Variants in RPS6KA1 observed in about 807,000 individuals in gnomAD.
The protein encoded by RPS6KA1 is ribosomal protein S6 kinase A1, also known as ribosomal protein S6 kinase alpha-1.
A neutral mutation model predicts 91.3 loss-of-function variants in RPS6KA1; 48 were observed. The ratio of observed to expected loss-of-function variants is 0.53; its 90% CI spans 0.42 to 0.67. The LOEUF is 0.67. Among genes scored for constraint, RPS6KA1 ranks in the 30% least tolerant of loss-of-function variants. The pLI, the probability that RPS6KA1 is intolerant of heterozygous loss-of-function variation, is 0.00. For missense variants in RPS6KA1, 719 were observed against 960.5 expected, an observed-to-expected ratio of 0.75 and a Z score of 3.32; for synonymous variants, 359 against 384.7, an observed-to-expected ratio of 0.93 and a Z score of 0.78.
Position 26,561,326 on chromosome 1 carries a change from T to C in RPS6KA1, c.1432-179T>C, listed in dbSNP as rs567809806. On this transcript the variant is annotated intron_variant, in intron 16 of 21. Transcript: ENST00000374168. The surrounding 1 kb of genome is among the most constrained non-coding windows in gnomAD (Gnocchi z 5.7). ...CAGACTCAGACATTTTCTGAGGACC[T>C]TCTTGCGTATCAGGAGACCAGTGTC... 1.4e-4 allele frequency among the ~76,000 whole-genome samples: 22 copies of C among 152,292 alleles called. No individual in the cohort carries two copies. Among genetic ancestry groups the C allele is most frequent in the Non-Finnish European group, 2.9e-4 (20 of 68,032 alleles).
At chr1:26,543,240 T>C in intron 2 of RPS6KA1, 1 of 1,508,356 alleles carries the variant, frequency 6.6e-7, no homozygotes, top group Non-Finnish European at 8.9e-7. Context: ...AAGAGTCGCC[T>C]GCCTCCAGCG....
intron 1 of RPS6KA1, among the ~76,000 whole-genome samples, chr1:26,533,901 C>A (rs1227901398): frequency 6.6e-6 from 1 of 152,046 alleles, no homozygotes; most frequent in African/African-American, 2.4e-5. Flanking sequence ...GAAGCCAGCA[C>A]CCCACAACCC....
chr1:26,545,162 CTTTCTT>C (rs1310137214), intron 2 of RPS6KA1, among the ~76,000 whole-genome samples: 1 of 151,108 alleles, frequency 6.6e-6, no homozygotes, highest in South Asian at 2.1e-4. Flanking sequence ...GGATGCCATT[CTTTCTT>C]TTTCTTTTTC....
intron 1 of RPS6KA1, 33 bp downstream of exon 1, chr1:26,530,016 G>A: frequency 3.1e-6 from 4 of 1,305,404 alleles, no homozygotes; most frequent in Non-Finnish European, 3.9e-6. Flanking sequence ...GGGCGCCCGC[G>A]GCCGGCGAGC....
chr1:26,566,769 G>C (rs998253694), intron 17 of RPS6KA1, among the ~76,000 whole-genome samples: 3 of 152,128 alleles, frequency 2.0e-5, no homozygotes, highest in Admixed American at 1.3e-4. Flanking sequence ...AATATGTGGA[G>C]TCTTCTTAAG....
Position 26,534,045 on chromosome 1 carries a change from G to A in RPS6KA1, c.64-2880G>A, listed in dbSNP as rs902248115. Among the ~76,000 whole-genome samples, 36 of 152,166 alleles carry A rather than the reference G, an allele frequency of 2.4e-4. 1 individual carries two copies. Among genetic ancestry groups the A allele is most frequent in the Admixed American group, 2.2e-3 (33 of 15,280 alleles). ...CAGCCAGACTGCCTTAGAGCGGGGGGTCCCTAAGTCATCCAGGCCACTGCT... is the reference window on the plus strand; with the variant it reads ...CAGCCAGACTGCCTTAGAGCGGGGGATCCCTAAGTCATCCAGGCCACTGCT... On this transcript the variant is annotated intron_variant, in intron 1 of 21. Coordinates refer to ENST00000374168, the MANE Select transcript of RPS6KA1 (RefSeq NM_002953.4).
chr1:26,558,825 C>CA lies in RPS6KA1; in HGVS notation c.1103_1104insA (p.Ser369GlnfsTer47). 6.2e-7 allele frequency: 1 copy of CA among 1,611,638 alleles called. No individual in the cohort carries two copies. The highest frequency in any genetic ancestry group is 8.5e-7 in the Non-Finnish European group (1 of 1,177,978). ...CGTACAGATTCCCCAGGCATCCCCC[C>CA]CAGCGCTGGGGCCCATCAGCTGTTC... is the stretch of plus-strand genomic sequence containing the variant. On this transcript the variant is annotated frameshift_variant, in exon 14 of 22. Transcript: ENST00000374168. LOFTEE classifies it high-confidence loss of function. The surrounding 1 kb of genome is among the most constrained non-coding windows in gnomAD (Gnocchi z 4.0).
chr1:26,549,690 C>CTTTTTTTTTTTTTT (rs561375723), intron 4 of RPS6KA1, among the ~76,000 whole-genome samples: 3 of 101,916 alleles, frequency 2.9e-5, no homozygotes, highest in African/African-American at 7.4e-5. Flanking sequence ...AAAGCCTGTT[C>CTTTTTTTTTTTTTT]TTTTTTTTTT....
At chr1:26,533,148 C>T (rs749206659) in intron 1 of RPS6KA1, among the ~76,000 whole-genome samples, 7 of 152,110 alleles carry the variant, frequency 4.6e-5, no homozygotes, top group African/African-American at 7.2e-5. Flanking sequence ...GGCGTGATCT[C>T]GGCTCACTGC....
chr1:26,538,417 G>A (rs1437754751), intron 2 of RPS6KA1, among the ~76,000 whole-genome samples: 1 of 152,206 alleles, frequency 6.6e-6, no homozygotes. Context: ...AGCTTACTGG[G>A]AGATGGCAGG....
At position 26,556,814 on chromosome 1, in the gene RPS6KA1, C is replaced by G. The variant is rs963560179; in HGVS notation, c.981+96C>G. 9 of 1,457,546 alleles carry G rather than the reference C, an allele frequency of 6.2e-6. No homozygotes were observed. The African/African-American group carries it at 1.3e-4, about 20-fold the overall frequency. The allele number at this position is 1,457,546 out of a possible 1,614,324, so 90.3% of individuals were successfully genotyped here. On this transcript the variant is annotated intron_variant, in intron 12 of 21. Coordinates refer to ENST00000374168, the MANE Select transcript of RPS6KA1 (RefSeq NM_002953.4). ...AGGGGAGCCTCTGCCAGCGAGGGCC[C>G]CAGACGCAGGAGCAGAGGGTCACAG... is the stretch of plus-strand genomic sequence containing the variant.
At chr1:26,549,678 C>T (rs1310485883) in intron 4 of RPS6KA1, among the ~76,000 whole-genome samples, 1 of 148,422 alleles carries the variant, frequency 6.7e-6, no homozygotes, top group Non-Finnish European at 1.5e-5. Context: ...CAGCCATGTC[C>T]AAAAGCCTGT....
Position 26,556,699 on chromosome 1 carries a change from A to C in RPS6KA1, c.962A>C (p.Tyr321Ser). The C allele has an allele frequency of 6.2e-7, 1 of 1,613,976 alleles. No homozygotes were observed. The highest frequency in any genetic ancestry group is 8.5e-7 in the Non-Finnish European group (1 of 1,179,982). ...GAGGAAATCAAGCGGCATGTCTTCT[A>C]CTCCACCATTGACTGGAATGTGAGT... ...GAEEIKRHVF[Y>S]STIDWNKLYR... Residue 321 changes from tyrosine to serine, a missense_variant, in exon 12 of 22, where the codon TAC becomes TCC. By Grantham distance (144) the Tyr-to-Ser change is moderately radical (BLOSUM62 -2). Coordinates refer to ENST00000374168, the MANE Select transcript of RPS6KA1 (RefSeq NM_002953.4).
Position 26,554,784 on chromosome 1 carries a change from C to T in RPS6KA1, c.756+46C>T. 1.3e-6 allele frequency: 2 copies of T among 1,560,188 alleles called. No individual in the cohort carries two copies. The highest frequency in any genetic ancestry group is 1.7e-6 in the Non-Finnish European group (2 of 1,147,360). ...AAAGGATCCAGCCCAAGCCTCTGGC[C>T]TCAGTCTCCCTATCTGTACAGTGAG... On this transcript the variant is annotated intron_variant, in intron 9 of 21. Coordinates refer to ENST00000374168, the MANE Select transcript of RPS6KA1 (RefSeq NM_002953.4). This position sits in a 1 kb window ranked among gnomAD's most constrained non-coding sequence, Gnocchi z 4.6.
chr1:26,574,054 C>G lies in RPS6KA1; in HGVS notation c.2086-25C>G. 1 of 1,610,240 alleles carries G rather than the reference C, an allele frequency of 6.2e-7. No individual in the cohort carries two copies. ...CCCGCTACATCTCCCACCATTGTGA[C>G]CTGACCTCCCCACTTCTCTTTCAGG... On this transcript the variant is annotated intron_variant, in intron 21 of 21. Coordinates refer to ENST00000374168, the MANE Select transcript of RPS6KA1 (RefSeq NM_002953.4). This position sits in a 1 kb window ranked among gnomAD's most constrained non-coding sequence, Gnocchi z 4.3.
At position 26,530,629 on chromosome 1, in the gene RPS6KA1, GA is replaced by G. The variant is rs960993087; in HGVS notation, c.63+647del. The G allele has an allele frequency of 6.9e-6, 4 of 575,776 alleles. No homozygotes were observed. In the African/African-American group the frequency reaches 7.9e-5, roughly 11 times the overall value. The allele number at this position is 575,776 out of a possible 1,614,324, so 35.7% of individuals were successfully genotyped here. A position where few individuals can be genotyped will look rare whatever the true frequency, so the allele number is the denominator to read the frequency against. On this transcript the variant is annotated intron_variant, in intron 1 of 21. Coordinates refer to ENST00000374168, the MANE Select transcript of RPS6KA1 (RefSeq NM_002953.4). Reference sequence around the variant, plus strand: ...GATGATTCCTGGCAGGGCGTGGGGGGACCTTGGTGCCTGCCTCCCTTCTTAT... The same window carrying G: ...GATGATTCCTGGCAGGGCGTGGGGGGCCTTGGTGCCTGCCTCCCTTCTTAT...
At chr1:26,541,490 G>A (rs564914110) in intron 2 of RPS6KA1, among the ~76,000 whole-genome samples, 1 of 152,212 alleles carries the variant, frequency 6.6e-6, no homozygotes, top group South Asian at 2.1e-4. Context: ...AGGAGACGGA[G>A]GTTGCAGTGA....
intron 21 of RPS6KA1, among the ~76,000 whole-genome samples, chr1:26,573,722 G>A (rs533263413): frequency 9.2e-4 from 140 of 152,064 alleles, no homozygotes; most frequent in African/African-American, 3.2e-3. Flanking sequence ...GGTGGATCAC[G>A]AGGTCAGGAG....
rs2075910315 is a variant in RPS6KA1 at position 26,536,806 on chromosome 1, C to T, written c.64-119C>T. 5 of 1,152,982 alleles carry T rather than the reference C, an allele frequency of 4.3e-6. No homozygotes were observed. In the South Asian group the frequency reaches 5.2e-5, roughly 12 times the overall value. 71.4% of individuals were successfully genotyped at this position (1,152,982 alleles called of 1,614,324 possible). A position where few individuals can be genotyped will look rare whatever the true frequency, so the allele number is the denominator to read the frequency against. The stretch of plus-strand genomic sequence containing the variant: ...GAGGGACCCACCCAGGACTCCTGCC[C>T]TACCACCATGGCCTCCATGGCTATT... On this transcript the variant is annotated intron_variant, in intron 1 of 21. Coordinates refer to ENST00000374168, the MANE Select transcript of RPS6KA1 (RefSeq NM_002953.4).
Sources: allele counts gnomAD v4.1 joint callset (sites outside exome capture counted in the v4.1 genomes callset), GRCh38; gene constraint gnomAD v4.1.1; non-coding constraint Gnocchi (gnomAD v3.1); transcripts MANE v1.5; gene names NCBI Gene and HGNC (gene_info 2026-07-23, HGNC 2026-07-21).